Variants in ADCY7 observed in about 807,000 individuals in gnomAD.
The protein encoded by ADCY7 is adenylate cyclase 7.
Under a neutral mutation model 120.6 loss-of-function variants are expected in ADCY7, and 72 were observed. That is an observed-to-expected ratio of 0.60 (90% CI 0.49 to 0.73). The LOEUF is 0.73. Ranked by LOEUF, ADCY7 falls within the 30% of genes least tolerant of loss-of-function variation. The pLI, the probability that ADCY7 is intolerant of heterozygous loss-of-function variation, is 0.00. For missense variants in ADCY7, 1,227 were observed against 1,486.0 expected (o/e 0.83, Z 2.87); for synonymous variants, 661 against 628.0 (o/e 1.05, Z -0.78).
chr16:50,247,968 C>T (rs1192475296), intron 1 of ADCY7, among the ~76,000 whole-genome samples: 1 of 152,158 alleles, frequency 6.6e-6, no homozygotes, highest in Non-Finnish European at 1.5e-5. Context: ...ATTTCCCAGG[C>T]CCTTACAAAG....
intron 7 of ADCY7, among the ~76,000 whole-genome samples, chr16:50,298,579 G>A (rs2035507831): frequency 6.6e-6 from 1 of 152,164 alleles, no homozygotes; most frequent in African/African-American, 2.4e-5. Context: ...TCACTGCTGT[G>A]TCCCCTTGCC....
intron 4 of ADCY7, 97 bp downstream of exon 4, chr16:50,291,994 C>G (rs774654801): frequency 8.1e-5 from 110 of 1,360,034 alleles, no homozygotes; most frequent in Non-Finnish European, 1.1e-4. Flanking sequence ...CCGAAGGCCC[C>G]GGAGCCGTGT....
chr16:50,248,517 C>T lies in ADCY7; in HGVS notation c.-64+2314C>T, dbSNP rs184534466. On this transcript the variant is annotated intron_variant, in intron 1 of 4. Coordinates refer to the ADCY7 transcript ENST00000564044. ...CACACTGCAGGCAGGCTAGGCTGTG[C>T]TTTTGCGCATTGAAGGGTAGGCAGG... is the stretch of plus-strand genomic sequence containing the variant. Among the ~76,000 whole-genome samples the T allele has an allele frequency of 8.2e-3, 1,249 of 152,330 alleles. 66 individuals carry two copies. Among genetic ancestry groups the T allele is most frequent in the Admixed American group, 0.073 (1,124 of 15,298 alleles).
intron 1 of ADCY7, among the ~76,000 whole-genome samples, chr16:50,285,617 C>T (rs905261056): frequency 2.0e-5 from 3 of 152,218 alleles, no homozygotes; most frequent in Non-Finnish European, 2.9e-5. Context: ...TCCCGTGTCT[C>T]ACAGCCTCCC....
chr16:50,283,014 C>T (rs2034373578), intron 1 of ADCY7, among the ~76,000 whole-genome samples: 1 of 152,182 alleles, frequency 6.6e-6, no homozygotes, highest in Non-Finnish European at 1.5e-5. Flanking sequence ...GCGGGGCTGT[C>T]CCCTCCAAGA....
At chr16:50,315,207 C>CT in intron 25 of ADCY7, 69 bp downstream of exon 25, 2 of 1,590,672 alleles carry the variant, frequency 1.3e-6, no homozygotes, top group East Asian at 4.5e-5. Flanking sequence ...GGGACTTGGA[C>CT]TTAAGAGCTG....
chr16:50,253,467 G>A (rs968148183), intron 1 of ADCY7, among the ~76,000 whole-genome samples: 1 of 152,146 alleles, frequency 6.6e-6, no homozygotes, highest in Non-Finnish European at 1.5e-5. Flanking sequence ...GCCCAGGCTG[G>A]TCTCAAACTC....
intron 1 of ADCY7, among the ~76,000 whole-genome samples, chr16:50,269,656 G>A (rs146076482): frequency 7.9e-5 from 12 of 152,268 alleles, no homozygotes; most frequent in African/African-American, 2.6e-4. Flanking sequence ...CCTCAGCACC[G>A]CTCCTTGCCT....
chr16:50,262,058 G>A (rs1206758007), upstream of ADCY7, among the ~76,000 whole-genome samples: 4 of 152,138 alleles, frequency 2.6e-5, no homozygotes, highest in African/African-American at 9.7e-5. Context: ...CAAGCTGTTT[G>A]CTCAGCACTC....
At chr16:50,287,702 C>T (rs1009625418) in intron 1 of ADCY7, among the ~76,000 whole-genome samples, 1 of 151,198 alleles carries the variant, frequency 6.6e-6, no homozygotes, top group South Asian at 2.1e-4. Context: ...AAAAAGCAGC[C>T]ACATGTGGCT....
At position 50,288,060 on chromosome 16, in the gene ADCY7, G is replaced by T; in HGVS notation, c.-120G>T. ...AGAGGCCCTCTCCCCAGCCCTGCTT[G>T]CCTGCCTCGGAGAGGACAGAGGCCT... On this transcript the variant is annotated 5_prime_UTR_variant, in exon 2 of 26. Transcript: ENST00000673801. 1.6e-6 allele frequency: 2 copies of T among 1,231,458 alleles called. No individual in the cohort carries two copies. The highest frequency in any genetic ancestry group is 3.2e-5 in the South Asian group (2 of 61,578). 76.3% of individuals were successfully genotyped at this position (1,231,458 alleles called of 1,614,324 possible).
chr16:50,247,539 ATTTTTTTT>A (rs5816683), intron 1 of ADCY7, among the ~76,000 whole-genome samples: 1 of 111,374 alleles, frequency 9.0e-6, no homozygotes, highest in African/African-American at 3.5e-5. Flanking sequence ...TAATTTAGTA[ATTTTTTTT>A]TTTTTTTTTT....
chr16:50,312,406 T>C (rs2036539356), intron 21 of ADCY7, among the ~76,000 whole-genome samples: 1 of 152,170 alleles, frequency 6.6e-6, no homozygotes, highest in Non-Finnish European at 1.5e-5. Context: ...ACAAGGCACC[T>C]TGCTTTCCCA....
chr16:50,311,805 C>CGT lies in ADCY7; in HGVS notation c.2448+19_2448+20insGT. 7.6e-7 allele frequency: 1 copy of CGT among 1,310,752 alleles called. No homozygotes were observed. Among genetic ancestry groups the CGT allele is most frequent in the African/African-American group, 1.5e-5 (1 of 66,826 alleles). 81.2% of individuals were successfully genotyped at this position (1,310,752 alleles called of 1,614,324 possible). ...CAGACAGGTAAGGAGGCTGGCCCCCCCCCCCCCCCCAAGCTCTGCCCACTT... is the reference window on the plus strand; with the variant it reads ...CAGACAGGTAAGGAGGCTGGCCCCCCGTCCCCCCCCCCAAGCTCTGCCCACTT... On this transcript the variant is annotated intron_variant, in intron 20 of 25. Coordinates refer to ENST00000673801, the MANE Select transcript of ADCY7 (RefSeq NM_001114.5).
At position 50,311,784 on chromosome 16, in the gene ADCY7, CAGGTA is replaced by C; in HGVS notation, c.2448+2_2448+6del. ...CATCACCCTGCTTACACTCTCCAGA[CAGGTA>C]AGGAGGCTGGCCCCCCCCCCCCCCC... On this transcript the variant is annotated splice_donor_variant and splice_donor_region_variant and coding_sequence_variant and intron_variant, in exon 20 of 26. Transcript: ENST00000673801. LOFTEE classifies it high-confidence loss of function. 1 of 1,404,894 alleles carries C rather than the reference CAGGTA, an allele frequency of 7.1e-7. No individual in the cohort carries two copies. Among genetic ancestry groups the C allele is most frequent in the Middle Eastern group, 2.3e-4 (1 of 4,434 alleles). The allele number at this position is 1,404,894 out of a possible 1,614,324, so 87.0% of individuals were successfully genotyped here.
At chr16:50,302,427 A>G (rs887278478) in intron 10 of ADCY7, among the ~76,000 whole-genome samples, 11 of 152,324 alleles carry the variant, frequency 7.2e-5, no homozygotes, top group African/African-American at 2.6e-4. Flanking sequence ...GCAGGCTGCC[A>G]GGTTGAGCAG....
At chr16:50,259,972 G>A (rs779774978) in intron 1 of ADCY7, among the ~76,000 whole-genome samples, 1 of 152,198 alleles carries the variant, frequency 6.6e-6, no homozygotes, top group Non-Finnish European at 1.5e-5. Context: ...GCCTCCCAGC[G>A]TGAAAGATGC....
rs746682613 is a variant in ADCY7, at chr16:50,308,423, G to T, written c.1935+12G>T. On this transcript the variant is annotated intron_variant, in intron 16 of 25. Transcript: ENST00000673801. ...CCACCAAGTTCTCGGTAAGTGGGGA[G>T]CTCTGGCCCCGCGGGCCCTCCCTCC... 50 of 1,613,970 alleles carry T rather than the reference G, an allele frequency of 3.1e-5. No individual in the cohort carries two copies. In the South Asian group the frequency reaches 5.4e-4, roughly 17 times the overall value.
At chr16:50,311,386 C>T (rs1567581086) in intron 19 of ADCY7, among the ~76,000 whole-genome samples, 1 of 152,152 alleles carries the variant, frequency 6.6e-6, no homozygotes, top group Non-Finnish European at 1.5e-5. Context: ...TTATGCCACC[C>T]ATCCACCCCA....
Sources: allele counts gnomAD v4.1 joint callset (sites outside exome capture counted in the v4.1 genomes callset), GRCh38; gene constraint gnomAD v4.1.1; transcripts MANE v1.5; gene names NCBI Gene and HGNC (gene_info 2026-07-23, HGNC 2026-07-21).